ZFPM2: variants seen among roughly 807,000 people sequenced by gnomAD.
The protein encoded by ZFPM2 is zinc finger protein, FOG family member 2, also known as zinc finger protein ZFPM2.
Under a neutral mutation model 98.6 loss-of-function variants are expected in ZFPM2, and 20 were observed. The ratio of observed to expected loss-of-function variants is 0.20; its 90% CI spans 0.14 to 0.29. The LOEUF (loss-of-function observed/expected upper bound fraction) is 0.29. ZFPM2 is among the 10% of genes least tolerant of loss of function. The pLI is 1.00. For missense variants in ZFPM2, 1,310 were observed against 1,388.6 expected, an observed-to-expected ratio of 0.94 and a Z score of 0.90; for synonymous variants, 518 against 502.7, an observed-to-expected ratio of 1.03 and a Z score of -0.41.
At chr8:105,393,334 T>TCTCTGTCTGTC (rs374340648) in intron 1 of ZFPM2, among the ~76,000 whole-genome samples, 1 of 124,232 alleles carries the variant, frequency 8.0e-6, no homozygotes, top group African/African-American at 2.9e-5. Context: ...CTCTCTCTCT[T>TCTCTGTCTGTC]TGCCTTTCTT....
intron 4 of ZFPM2, among the ~76,000 whole-genome samples, chr8:105,574,869 C>G (rs1009334295): frequency 2.0e-5 from 3 of 151,018 alleles, no homozygotes; most frequent in Non-Finnish European, 4.4e-5. Flanking sequence ...TTAAAGGTAC[C>G]CAATTATATC....
intron 3 of ZFPM2, among the ~76,000 whole-genome samples, chr8:105,461,264 A>G (rs1402992334): frequency 2.0e-5 from 3 of 152,134 alleles, no homozygotes; most frequent in Non-Finnish European, 4.4e-5. Flanking sequence ...TAAAGTAAGC[A>G]TGGTAAAATA....
chr8:105,328,106 T>C (rs377638619), intron 1 of ZFPM2, among the ~76,000 whole-genome samples: 2 of 152,006 alleles, frequency 1.3e-5, no homozygotes, highest in South Asian at 2.1e-4. Flanking sequence ...TATGTCAGTG[T>C]AATACTTTGT....
In ZFPM2 at chr8:105,634,627, T is replaced by A. The variant is rs573627218; in HGVS notation, c.532+270T>A. Among the ~76,000 whole-genome samples the A allele has an allele frequency of 3.9e-5, 6 of 152,324 alleles. No individual in the cohort carries two copies. In the South Asian group the frequency reaches 1.2e-3, roughly 32 times the overall value. On this transcript the variant is annotated intron_variant, in intron 5 of 7. Transcript: ENST00000407775. ...GTATTTGAGTGGCTTGACTAATATC[T>A]TTCTCTTGCTGTTAGTATCATTGAT...
chr8:105,419,087 T>G lies in ZFPM2; in HGVS notation c.41-57T>G. ...CAAAAAAAGGCTCTATTTAAGGATT[T>G]TATTTCACTGTCTTCCTTGCATATT... On this transcript the variant is annotated intron_variant, in intron 1 of 7. Coordinates refer to ENST00000407775, the MANE Select transcript of ZFPM2 (RefSeq NM_012082.4). 9 of 1,559,240 alleles carry G rather than the reference T, an allele frequency of 5.8e-6. 1 individual carries two copies. The highest frequency in any genetic ancestry group is 5.2e-6 in the Non-Finnish European group (6 of 1,150,206).
rs186195122 is a variant in ZFPM2, at chr8:105,694,182, T to C, written c.532+59825T>C. On this transcript the variant is annotated intron_variant, in intron 5 of 7. Transcript: ENST00000407775. ...TTTGTATTTTTAGTAGAGACGGGGT[T>C]TCGCTGTGTTAGCCAGGATGGTCTC... Among the ~76,000 whole-genome samples the C allele has an allele frequency of 3.6e-3, 541 of 151,918 alleles. 4 individuals carry two copies. Among genetic ancestry groups the C allele is most frequent in the African/African-American group, 0.012 (493 of 41,430 alleles).
intron 5 of ZFPM2, among the ~76,000 whole-genome samples, chr8:105,666,154 T>TG (rs1023506894): frequency 6.6e-6 from 1 of 152,182 alleles, no homozygotes; most frequent in Non-Finnish European, 1.5e-5. Context: ...ATTTCAGGGA[T>TG]GGGGGCAGGT....
chr8:105,534,215 CTTTT>C (rs1326177147), intron 3 of ZFPM2, among the ~76,000 whole-genome samples: 12 of 56,838 alleles, frequency 2.1e-4, no homozygotes, highest in African/African-American at 4.8e-4. Context: ...CTTCTTCCTT[CTTTT>C]CTTCCTCCCT....
chr8:105,643,117 T>C (rs897982426), intron 5 of ZFPM2, among the ~76,000 whole-genome samples: 1 of 152,144 alleles, frequency 6.6e-6, no homozygotes, highest in African/African-American at 2.4e-5. Context: ...GAAATCGAGA[T>C]TCTAGTAAGA....
chr8:105,666,189 G>A (rs184640491), intron 5 of ZFPM2, among the ~76,000 whole-genome samples: 1 of 152,258 alleles, frequency 6.6e-6, no homozygotes, highest in Admixed American at 6.5e-5. Flanking sequence ...CCATGGTTGA[G>A]ACCACTGCCA....
At chr8:105,705,217 G>A (rs1384510289) in intron 5 of ZFPM2, among the ~76,000 whole-genome samples, 1 of 151,980 alleles carries the variant, frequency 6.6e-6, no homozygotes, top group African/African-American at 2.4e-5. Flanking sequence ...TTAATTTAAT[G>A]TAGTGTATAT....
At chr8:105,733,748 A>G (rs898071753) in intron 5 of ZFPM2, among the ~76,000 whole-genome samples, 1 of 151,908 alleles carries the variant, frequency 6.6e-6, no homozygotes, top group Non-Finnish European at 1.5e-5. Flanking sequence ...ACTGTTTTGT[A>G]CAAAACACTG....
intron 5 of ZFPM2, among the ~76,000 whole-genome samples, chr8:105,777,018 CTCAA>C (rs1455010289): frequency 1.3e-5 from 2 of 152,118 alleles, no homozygotes; most frequent in African/African-American, 4.8e-5. Context: ...GTCTTGGTTA[CTCAA>C]TTAAAGTCTT....
intron 3 of ZFPM2, among the ~76,000 whole-genome samples, chr8:105,554,487 A>C (rs1814938869): frequency 6.6e-6 from 1 of 152,148 alleles, no homozygotes; most frequent in African/African-American, 2.4e-5. Context: ...GGGGCTGTCC[A>C]TGTTTGATAC....
chr8:105,464,529 T>C (rs1193042672), intron 3 of ZFPM2, among the ~76,000 whole-genome samples: 1 of 151,922 alleles, frequency 6.6e-6, no homozygotes, highest in Admixed American at 6.6e-5. Flanking sequence ...GAGAAAACCA[T>C]CAGTCAGGAT....
intron 4 of ZFPM2, among the ~76,000 whole-genome samples, chr8:105,597,589 C>T (rs1399401723): frequency 6.6e-6 from 1 of 151,872 alleles, no homozygotes; most frequent in Admixed American, 6.6e-5. Flanking sequence ...ATGTTGAAGC[C>T]ATTTTCAACT....
intron 4 of ZFPM2, among the ~76,000 whole-genome samples, chr8:105,617,062 A>T (rs1051234565): frequency 2.5e-5 from 3 of 120,778 alleles, no homozygotes; most frequent in African/African-American, 9.1e-5. Flanking sequence ...AAAAAAAAAG[A>T]TCCACACCAT....
chr8:105,735,976 CTA>C (rs1341393492), intron 5 of ZFPM2, among the ~76,000 whole-genome samples: 1 of 151,942 alleles, frequency 6.6e-6, no homozygotes, highest in African/African-American at 2.4e-5. Flanking sequence ...GATGATTACT[CTA>C]TGGGAAATTT....
chr8:105,628,246 A>T, intron 4 of ZFPM2, among the ~76,000 whole-genome samples: 1 of 152,216 alleles, frequency 6.6e-6, no homozygotes, highest in East Asian at 1.9e-4. Flanking sequence ...GACTCCAAAA[A>T]CAATAATGTC....
Sources: gnomAD v4.1 joint callset for allele counts (sites outside exome capture counted in the v4.1 genomes callset) on GRCh38, gnomAD v4.1.1 for gene constraint, MANE v1.5 for transcripts, NCBI Gene and HGNC (gene_info 2026-07-23, HGNC 2026-07-21) for gene names.